Variants in PRUNE2 observed in about 807,000 individuals in gnomAD.
PRUNE2 encodes the protein protein prune homolog 2.
PRUNE2 carries 164 observed loss-of-function variants against 252.0 expected under a neutral mutation model. The ratio of observed to expected loss-of-function variants is 0.65; its 90% CI spans 0.57 to 0.74. The LOEUF (loss-of-function observed/expected upper bound fraction) is 0.74. Ranked by LOEUF, PRUNE2 falls within the 30% of genes least tolerant of loss-of-function variation. PRUNE2 has a pLI of 0.00. For synonymous variants in PRUNE2, 1,292 were observed against 1,350.2 expected (o/e 0.96, Z 0.94); for missense variants, 3,495 against 3,711.0 (o/e 0.94, Z 1.51).
At chr9:76,615,958 C>A (rs749108345) in intron 18 of PRUNE2, among the ~76,000 whole-genome samples, 16 of 151,692 alleles carry the variant, frequency 1.1e-4, no homozygotes, top group Non-Finnish European at 2.1e-4. Context: ...TTTAGCGAGA[C>A]GGGGTTTCAC....
intron 4 of PRUNE2, among the ~76,000 whole-genome samples, chr9:76,829,124 A>T (rs545522104): frequency 4.9e-4 from 74 of 152,242 alleles, no homozygotes; most frequent in Non-Finnish European, 9.0e-4. Flanking sequence ...TTGTACTAAG[A>T]ACAAGGATAA....
chr9:76,868,308 T>C (rs903490245), intron 1 of PRUNE2, among the ~76,000 whole-genome samples: 7 of 152,204 alleles, frequency 4.6e-5, no homozygotes, highest in African/African-American at 1.7e-4. Context: ...TTTTCCACTC[T>C]TCCAAACACG....
chr9:76,807,051 T>TGTGTGCGCGCGCGC (rs60768420), intron 6 of PRUNE2, among the ~76,000 whole-genome samples: 2 of 139,338 alleles, frequency 1.4e-5, no homozygotes, highest in African/African-American at 2.8e-5. Context: ...TGTGTGTGTG[T>TGTGTGCGCGCGCGC]GCGCGCGCGC....
At position 76,705,294 on chromosome 9, in the gene PRUNE2, C is replaced by A. The variant is rs1285946267; in HGVS notation, c.6980G>T (p.Gly2327Val). 6.2e-7 allele frequency: 1 copy of A among 1,614,024 alleles called. No individual in the cohort carries two copies. The highest frequency in any genetic ancestry group is 8.5e-7 in the Non-Finnish European group (1 of 1,179,888). ...DDMSKLTLSE[G>V]HPETPVDGDL... ...CCCATCAACTGGCGTTTCCGGATGGCCTTCGGATAATGTCAGTTTACTCAT... is the reference window on the plus strand; with the variant it reads ...CCCATCAACTGGCGTTTCCGGATGGACTTCGGATAATGTCAGTTTACTCAT... Residue 2327 changes from glycine to valine, a missense_variant, in exon 8 of 19, where the codon GGC (glycine) becomes GTC (valine). Coordinates refer to ENST00000376718, the MANE Select transcript of PRUNE2 (RefSeq NM_015225.3).
intron 1 of PRUNE2, among the ~76,000 whole-genome samples, chr9:76,866,256 T>G (rs1275467743): frequency 2.0e-5 from 3 of 152,252 alleles, no homozygotes; most frequent in Admixed American, 6.5e-5. Context: ...GCATGATCAA[T>G]GCATGTCTAG....
In PRUNE2 at chr9:76,808,431, T is replaced by C. The variant is rs116924923; in HGVS notation, c.756+15201A>G. Among the ~76,000 whole-genome samples the C allele has an allele frequency of 6.9e-3, 1,049 of 152,294 alleles. 11 individuals are homozygous for C. The highest frequency in any genetic ancestry group is 0.011 in the Non-Finnish European group (746 of 68,016). ...TTTGGGTTTGCACATGTCCTTCCCA[T>C]CTCTTTTGCCCAATCTGAGTCCGGT... On this transcript the variant is annotated intron_variant, in intron 6 of 18. Transcript: ENST00000376718.
Position 76,845,957 on chromosome 9 carries a change from T to C in PRUNE2, c.508+558A>G, listed in dbSNP as rs144670795. Reference sequence around the variant, plus strand: ...AAAGAGAGATTACTAGAGTAACTGATGATGGTGTGTTCAGGACCCCAGGGC... The same window carrying C: ...AAAGAGAGATTACTAGAGTAACTGACGATGGTGTGTTCAGGACCCCAGGGC... On this transcript the variant is annotated intron_variant, in intron 4 of 18. Coordinates refer to ENST00000376718, the MANE Select transcript of PRUNE2 (RefSeq NM_015225.3). Among the ~76,000 whole-genome samples the C allele has an allele frequency of 6.2e-3, 945 of 152,312 alleles. 4 individuals carry two copies. The highest frequency in any genetic ancestry group is 0.041 in the Middle Eastern group (12 of 294).
At chr9:76,654,460 T>C (rs1400233362) in intron 10 of PRUNE2, among the ~76,000 whole-genome samples, 2 of 152,210 alleles carry the variant, frequency 1.3e-5, no homozygotes, top group Admixed American at 1.3e-4. Flanking sequence ...TTTCAGGAAT[T>C]TGCAGAGCAG....
intron 4 of PRUNE2, among the ~76,000 whole-genome samples, chr9:76,837,802 T>C (rs561863527): frequency 0.011 from 1,668 of 149,678 alleles, 26 homozygotes; most frequent in South Asian, 0.029. Context: ...GACGGAGTCT[T>C]GCTCTGTCGC....
chr9:76,626,102 T>TG (rs1834635478), intron 16 of PRUNE2, among the ~76,000 whole-genome samples: 1 of 152,244 alleles, frequency 6.6e-6, no homozygotes, highest in South Asian at 2.1e-4. Flanking sequence ...ATTGATTGAT[T>TG]GATGAAAACA....
At chr9:76,833,433 T>C (rs568358560) in intron 4 of PRUNE2, among the ~76,000 whole-genome samples, 1 of 152,282 alleles carries the variant, frequency 6.6e-6, no homozygotes, top group East Asian at 1.9e-4. Context: ...CAAGTAGAAA[T>C]AGAAGACAAC....
chr9:76,884,526 T>C (rs2060321465), intron 1 of PRUNE2, among the ~76,000 whole-genome samples: 1 of 152,228 alleles, frequency 6.6e-6, no homozygotes, highest in South Asian at 2.1e-4. Context: ...TTAAATCATA[T>C]GCCTTATTGG....
chr9:76,864,686 T>A (rs59869293), intron 1 of PRUNE2, among the ~76,000 whole-genome samples: 2 of 152,180 alleles, frequency 1.3e-5, no homozygotes, highest in Non-Finnish European at 2.9e-5. Flanking sequence ...TATTGATTTT[T>A]AAAAAGACAA....
At chr9:76,725,904 A>T (rs1446020996) in intron 6 of PRUNE2, among the ~76,000 whole-genome samples, 1 of 152,220 alleles carries the variant, frequency 6.6e-6, no homozygotes, top group African/African-American at 2.4e-5. Context: ...ACAGAAACTT[A>T]ACTGTAACTG....
At chr9:76,830,755 TA>T (rs35455005) in intron 4 of PRUNE2, among the ~76,000 whole-genome samples, 5 of 150,608 alleles carry the variant, frequency 3.3e-5, no homozygotes, top group Non-Finnish European at 7.4e-5. Context: ...GTAAAACTGC[TA>T]AAAAAATTAT....
chr9:76,708,399 G>A lies in PRUNE2; in HGVS notation c.3875C>T (p.Thr1292Ile). ...CAAGGATGCTGCATCACTTTGCAGG[G>A]TTTCCCTCTCTGTGTCCTGCTTGTC... ...HLDKQDTERE[T>I]LQSDAASLAT... is the part of the protein sequence containing the mutation. The change falls in exon 8 of 19, where the codon ACC becomes ATC. Residue 1292 changes from threonine to isoleucine, a missense_variant. Transcript: ENST00000376718. 2.5e-6 allele frequency: 4 copies of A among 1,613,812 alleles called. No homozygotes were observed. Among genetic ancestry groups the A allele is most frequent in the Non-Finnish European group, 3.4e-6 (4 of 1,179,870 alleles).
intron 1 of PRUNE2, chr9:76,868,856 G>GGGGGGGGA (rs1460998343): frequency 7.8e-6 from 1 of 127,678 alleles, no homozygotes; most frequent in Admixed American, 7.9e-5. Context: ...GGGCGGGGGG[G>GGGGGGGGA]AAGGAAAGGC....
chr9:76,730,096 A>C (rs1419170967), intron 6 of PRUNE2, among the ~76,000 whole-genome samples: 2 of 152,266 alleles, frequency 1.3e-5, no homozygotes, highest in Non-Finnish European at 1.5e-5. Context: ...ATTAACATGT[A>C]CAATTGATTT....
chr9:76,848,979 T>C (rs773563674), intron 3 of PRUNE2, among the ~76,000 whole-genome samples: 10 of 152,148 alleles, frequency 6.6e-5, no homozygotes, highest in Non-Finnish European at 1.5e-4. Context: ...AACCATGAGA[T>C]GACATTGCAG....
Sources: gnomAD v4.1 joint callset for allele counts (sites outside exome capture counted in the v4.1 genomes callset) on GRCh38, gnomAD v4.1.1 for gene constraint, MANE v1.5 for transcripts, NCBI Gene and HGNC (gene_info 2026-07-23, HGNC 2026-07-21) for gene names.